Variants in PRELID3A observed in about 807,000 individuals in gnomAD.
PRELID3A encodes the protein PRELI domain containing 3A, also known as PRELI domain containing protein 3A.
A neutral mutation model predicts 23.0 loss-of-function variants in PRELID3A; 27 were observed. The observed-to-expected ratio is 1.17, with a 90% confidence interval of 0.87 to 1.62. PRELID3A has a LOEUF of 1.62. Among genes scored for constraint, PRELID3A ranks in the 40% most tolerant of loss-of-function variants. PRELID3A has a pLI of 0.00. For missense variants in PRELID3A, 231 were observed against 231.4 expected (o/e 1.00, Z 0.01); for synonymous variants, 87 against 86.4 (o/e 1.01, Z -0.04).
At chr18:12,426,947 A>T (rs1199738373) in intron 3 of PRELID3A, 94 bp from the exon 4 acceptor site, 1 of 854,552 alleles carries the variant, frequency 1.2e-6, no homozygotes, top group East Asian at 2.6e-5. Flanking sequence ...TTCTGGCCCC[A>T]CTAAGTGCTA....
chr18:12,429,326 T>G (rs1364949569), intron 5 of PRELID3A, 24 bp from the exon 6 acceptor site: 2 of 1,612,218 alleles, frequency 1.2e-6, no homozygotes, highest in Admixed American at 3.3e-5. Context: ...ACCCACTCAG[T>G]GCTGAAATCT....
rs773964175 is a variant in PRELID3A, at chr18:12,411,912, C to CTTT, written c.32+3919_32+3921dup. On this transcript the variant is annotated intron_variant, in intron 1 of 6. Coordinates refer to ENST00000440960, the MANE Select transcript of PRELID3A (RefSeq NM_001142405.2). Reference sequence around the variant, plus strand: ...TGTGTCATATTGTCTTCTTTTCTTTCTTTTTTTTTTTTTTTTGAGACGGAG... The same window carrying CTTT: ...TGTGTCATATTGTCTTCTTTTCTTTCTTTTTTTTTTTTTTTTTTTGAGACGGAG... 2.3e-3 allele frequency among the ~76,000 whole-genome samples: 316 copies of CTTT among 138,088 alleles called. 8 individuals carry two copies. The highest frequency in any genetic ancestry group is 0.014 in the Admixed American group (192 of 13,332). 90.6% of individuals were successfully genotyped at this position (138,088 alleles called of 152,430 possible).
chr18:12,414,693 TCC>T (rs2029890328), intron 1 of PRELID3A, among the ~76,000 whole-genome samples: 1 of 151,986 alleles, frequency 6.6e-6, no homozygotes, highest in African/African-American at 2.4e-5. Context: ...ACCCACTGCA[TCC>T]CAGTCTCACT....
intron 6 of PRELID3A, among the ~76,000 whole-genome samples, chr18:12,429,711 G>C (rs1003034832): frequency 3.3e-5 from 5 of 152,184 alleles, no homozygotes; most frequent in African/African-American, 1.2e-4. Flanking sequence ...AGCCACCCTC[G>C]GGCTGGGTTG....
At chr18:12,417,202 C>T (rs530972151) in intron 1 of PRELID3A, among the ~76,000 whole-genome samples, 1 of 152,158 alleles carries the variant, frequency 6.6e-6, no homozygotes, top group East Asian at 1.9e-4. Flanking sequence ...GAGATGGAGC[C>T]TTGCTTCGTT....
chr18:12,409,381 G>T (rs1280347160), intron 1 of PRELID3A, among the ~76,000 whole-genome samples: 1 of 151,962 alleles, frequency 6.6e-6, no homozygotes, highest in Non-Finnish European at 1.5e-5. Flanking sequence ...TGGCCAGGCT[G>T]GTCTCGAGCT....
At chr18:12,419,241 G>A (rs12957046) in intron 1 of PRELID3A, among the ~76,000 whole-genome samples, 59,218 of 149,500 alleles carry the variant, frequency 0.4, 12,891 homozygotes, top group Middle Eastern at 0.58. Flanking sequence ...CAGGAAAATC[G>A]CTTGTACCCG....
chr18:12,409,577 C>G lies in PRELID3A; in HGVS notation c.32+1570C>G, dbSNP rs1173502605. 2.0e-5 allele frequency among the ~76,000 whole-genome samples: 3 copies of G among 152,052 alleles called. No homozygotes were observed. The East Asian group carries it at 5.8e-4, about 29-fold the overall frequency. ...TGATGGGATCTAATTTTTTGTATGG[C>G]TTGCAGTGTTTCTCAAGTGGGTTTC... On this transcript the variant is annotated intron_variant, in intron 1 of 6. Transcript: ENST00000440960.
At chr18:12,426,932 T>G in intron 3 of PRELID3A, 109 bp from the exon 4 acceptor site, 1 of 743,636 alleles carries the variant, frequency 1.3e-6, no homozygotes, top group Non-Finnish European at 2.3e-6. Context: ...TAAAAGTTTC[T>G]TCTGTTCTGG....
intron 5 of PRELID3A, 85 bp downstream of exon 5, chr18:12,427,408 T>A: frequency 9.2e-7 from 1 of 1,083,730 alleles, no homozygotes; most frequent in Non-Finnish European, 1.4e-6. Flanking sequence ...GTCTCATCAG[T>A]CTTCCTGGCT....
chr18:12,408,062 C>G (rs980909478), intron 1 of PRELID3A, 55 bp downstream of exon 1: 8 of 1,233,402 alleles, frequency 6.5e-6, no homozygotes, highest in South Asian at 3.5e-5. Context: ...CTCCTGCTCC[C>G]GAGCCCGGCT....
intron 1 of PRELID3A, chr18:12,420,027 G>C (rs2030100421): frequency 2.4e-6 from 2 of 829,382 alleles, no homozygotes; most frequent in Admixed American, 3.6e-5. Context: ...ACTTGAGCCT[G>C]GGAGGTTTGA....
At chr18:12,427,697 AAAAAAT>A (rs1318229261) in intron 5 of PRELID3A, among the ~76,000 whole-genome samples, 2 of 151,848 alleles carry the variant, frequency 1.3e-5, no homozygotes, top group African/African-American at 2.4e-5. Flanking sequence ...GTCTTAAAAA[AAAAAAT>A]AAAAATAAAA....
At position 12,431,950 on chromosome 18, in the gene PRELID3A, T is replaced by C. The variant is rs1453505145; in HGVS notation, c.*834T>C. On this transcript the variant is annotated 3_prime_UTR_variant, in exon 7 of 7. Transcript: ENST00000440960. ...TGAGTTCCTGTTTTTCGCCTTATAG[T>C]TTTGTGAGTGTTTGAGGGACAACGA... is the stretch of plus-strand genomic sequence containing the variant. The C allele has an allele frequency of 2.0e-5, 3 of 152,190 alleles. No homozygotes were observed. The highest frequency in any genetic ancestry group is 7.2e-5 in the African/African-American group (3 of 41,446). The allele number at this position is 152,190 out of a possible 1,614,324, so 9.4% of individuals were successfully genotyped here.
Position 12,415,239 on chromosome 18 carries a change from C to CT in PRELID3A, c.33-5073dup, listed in dbSNP as rs879335275. Reference sequence around the variant, plus strand: ...GCCAACACACCTGGTCTGCCTACATCTTTTTTTTTTTTTAATTTTTATTTT... The same window carrying CT: ...GCCAACACACCTGGTCTGCCTACATCTTTTTTTTTTTTTTAATTTTTATTTT... On this transcript the variant is annotated intron_variant, in intron 1 of 6. Coordinates refer to ENST00000440960, the MANE Select transcript of PRELID3A (RefSeq NM_001142405.2). Among the ~76,000 whole-genome samples the CT allele has an allele frequency of 3.3e-3, 469 of 143,408 alleles. 3 individuals carry two copies. Among genetic ancestry groups the CT allele is most frequent in the African/African-American group, 9.0e-3 (352 of 39,256 alleles). 94.1% of individuals were successfully genotyped at this position (143,408 alleles called of 152,430 possible). A position where few individuals can be genotyped will look rare whatever the true frequency, so the allele number is the denominator to read the frequency against.
chr18:12,423,369 C>T (rs1458761611), intron 3 of PRELID3A, among the ~76,000 whole-genome samples: 10 of 151,966 alleles, frequency 6.6e-5, no homozygotes, highest in African/African-American at 9.7e-5. Context: ...GAGAGAGGGC[C>T]GGGGGGATGT....
chr18:12,407,937 C>G lies in PRELID3A; in HGVS notation c.-39C>G, dbSNP rs1045554507. ...CCGGAGCCGCGCGGCCCGAAGCACCCGGCCCGGATCGCAGAGCCCGCGCCC... is the reference window on the plus strand; with the variant it reads ...CCGGAGCCGCGCGGCCCGAAGCACCGGGCCCGGATCGCAGAGCCCGCGCCC... On this transcript the variant is annotated 5_prime_UTR_variant, in exon 1 of 7. Transcript: ENST00000440960. The G allele has an allele frequency of 4.4e-5, 56 of 1,286,190 alleles. No individual in the cohort carries two copies. The highest frequency in any genetic ancestry group is 5.3e-5 in the Non-Finnish European group (54 of 1,020,022). 79.7% of individuals were successfully genotyped at this position (1,286,190 alleles called of 1,614,324 possible). A position where few individuals can be genotyped will look rare whatever the true frequency, so the allele number is the denominator to read the frequency against.
At chr18:12,430,448 ATGTT>A (rs2030534669) in intron 6 of PRELID3A, among the ~76,000 whole-genome samples, 1 of 120,962 alleles carries the variant, frequency 8.3e-6, no homozygotes, top group African/African-American at 3.0e-5. Context: ...TGTGTGCTGT[ATGTT>A]GTGTGTGTGC....
At chr18:12,420,103 T>C in intron 1 of PRELID3A, 1 of 1,418,548 alleles carries the variant, frequency 7.0e-7, no homozygotes, top group Non-Finnish European at 9.2e-7. Context: ...AGACCCTGTC[T>C]CAGACAAACA....
Sources: allele counts gnomAD v4.1 joint callset (sites outside exome capture counted in the v4.1 genomes callset), GRCh38; gene constraint gnomAD v4.1.1; transcripts MANE v1.5; gene names NCBI Gene and HGNC (gene_info 2026-07-23, HGNC 2026-07-21).